CTTNBP2NL: variants seen among roughly 807,000 people sequenced by gnomAD.
CTTNBP2NL encodes CTTNBP2 N-terminal like.
In CTTNBP2NL, 16 loss-of-function variants were observed where a neutral mutation model predicts 32.5. The observed-to-expected ratio is 0.49, with a 90% CI of 0.33 to 0.75. The LOEUF (loss-of-function observed/expected upper bound fraction) is 0.75, where lower values mean the gene tolerates loss of function less well. Among genes scored for constraint, CTTNBP2NL ranks in the 30% least tolerant of loss-of-function variants. CTTNBP2NL has a pLI of 0.02. For synonymous variants in CTTNBP2NL, 298 were observed against 289.4 expected, an observed-to-expected ratio of 1.03 and a Z score of -0.30; for missense variants, 645 against 756.0, an observed-to-expected ratio of 0.85 and a Z score of 1.72.
At position 112,461,052 on chromosome 1, in the gene CTTNBP2NL, A is replaced by T. The variant is rs1287287892; in HGVS notation, c.*3640A>T. ...TGGGCAATGAGCATTGTTCCACAGG[A>T]ATAATTTTTAATTTAATTTCTATAA... On this transcript the variant is annotated 3_prime_UTR_variant, in exon 6 of 6. Coordinates refer to ENST00000271277, the MANE Select transcript of CTTNBP2NL (RefSeq NM_018704.3). 6.6e-6 allele frequency: 1 copy of T among 152,210 alleles called. No individual in the cohort carries two copies. Among genetic ancestry groups the T allele is most frequent in the African/African-American group, 2.4e-5 (1 of 41,454 alleles). 9.4% of individuals were successfully genotyped at this position (152,210 alleles called of 1,614,324 possible). A position where few individuals can be genotyped will look rare whatever the true frequency, so the allele number is the denominator to read the frequency against.
chr1:112,439,310 CT>C (rs1200613228), intron 3 of CTTNBP2NL, among the ~76,000 whole-genome samples: 1 of 152,142 alleles, frequency 6.6e-6, no homozygotes, highest in Non-Finnish European at 1.5e-5. Flanking sequence ...TACTTGATAA[CT>C]TCTAAATATG....
Position 112,456,285 on chromosome 1 carries a change from G to GC in CTTNBP2NL, c.793_794insC (p.Glu265AlafsTer21). 1 of 1,614,088 alleles carries GC rather than the reference G, an allele frequency of 6.2e-7. No individual in the cohort carries two copies. The highest frequency in any genetic ancestry group is 8.5e-7 in the Non-Finnish European group (1 of 1,180,032). On this transcript the variant is annotated frameshift_variant, in exon 6 of 6. Transcript: ENST00000271277. LOFTEE classifies it low-confidence loss of function (END_TRUNC). ...AGAGAACCGGACCAAAACCCTGAAAGAAGAAATGGAAAGTTTAAAGAAGAT... is the reference window on the plus strand; with the variant it reads ...AGAGAACCGGACCAAAACCCTGAAAGCAAGAAATGGAAAGTTTAAAGAAGAT...
At chr1:112,446,484 C>T (rs1388891222) in intron 3 of CTTNBP2NL, among the ~76,000 whole-genome samples, 4 of 152,162 alleles carry the variant, frequency 2.6e-5, no homozygotes, top group African/African-American at 9.7e-5. Context: ...ATTGATGAGT[C>T]CCATGTTGTT....
upstream of CTTNBP2NL, among the ~76,000 whole-genome samples, chr1:112,395,972 C>A (rs1482765724): frequency 2.0e-5 from 3 of 152,242 alleles, no homozygotes; most frequent in African/African-American, 7.2e-5. Context: ...GGGAGGGGCG[C>A]GAGCCCACCC....
intron 1 of CTTNBP2NL, among the ~76,000 whole-genome samples, chr1:112,407,809 A>C (rs1470450525): frequency 6.6e-6 from 1 of 150,930 alleles, no homozygotes; most frequent in African/African-American, 2.4e-5. Context: ...ACTTTTGTAA[A>C]TAGTAACAAA....
chr1:112,391,210 T>G, the CTTNBP2NL span, among the ~76,000 whole-genome samples: 1 of 152,358 alleles, frequency 6.6e-6, no homozygotes, highest in East Asian at 1.9e-4. Context: ...GGCTTCAGCC[T>G]GGTCCGGGGC....
At chr1:112,410,316 C>T (rs927167090) in intron 1 of CTTNBP2NL, among the ~76,000 whole-genome samples, 5 of 151,284 alleles carry the variant, frequency 3.3e-5, no homozygotes, top group Non-Finnish European at 5.9e-5. Context: ...AGCTTGAACC[C>T]GGGAGGCGAA....
chr1:112,453,733 G>A (rs935845037), intron 4 of CTTNBP2NL, among the ~76,000 whole-genome samples: 5 of 152,134 alleles, frequency 3.3e-5, no homozygotes, highest in Admixed American at 1.3e-4. Flanking sequence ...CAGCCTGGGT[G>A]ACAAAGCAAG....
In CTTNBP2NL at chr1:112,457,417, T is replaced by C. The variant is rs1443121725; in HGVS notation, c.*5T>C. 6.3e-7 allele frequency: 1 copy of C among 1,594,852 alleles called. No individual in the cohort carries two copies. Among genetic ancestry groups the C allele is most frequent in the Non-Finnish European group, 8.6e-7 (1 of 1,169,474 alleles). ...CTTTTGCCTACCAGCAGCTAGTCCC[T>C]AGGAGGGAGTCTCCACGTTTGACAT... On this transcript the variant is annotated 3_prime_UTR_variant, in exon 6 of 6. Coordinates refer to ENST00000271277, the MANE Select transcript of CTTNBP2NL (RefSeq NM_018704.3).
At chr1:112,440,804 A>T (rs1482343058) in intron 3 of CTTNBP2NL, among the ~76,000 whole-genome samples, 1 of 152,226 alleles carries the variant, frequency 6.6e-6, no homozygotes, top group East Asian at 1.9e-4. Flanking sequence ...TAAAATGAAG[A>T]TAATAGTGAT....
At chr1:112,439,398 T>C (rs1649830802) in intron 3 of CTTNBP2NL, among the ~76,000 whole-genome samples, 1 of 152,208 alleles carries the variant, frequency 6.6e-6, no homozygotes, top group Non-Finnish European at 1.5e-5. Flanking sequence ...TCTTGGCATG[T>C]TTCTGTGTAA....
At chr1:112,403,698 G>A (rs1314670781) in intron 1 of CTTNBP2NL, among the ~76,000 whole-genome samples, 5 of 152,196 alleles carry the variant, frequency 3.3e-5, no homozygotes, top group Admixed American at 2.0e-4. Context: ...AAAGGTATGC[G>A]TTTACCTGTA....
At chr1:112,392,105 C>G (rs1244223984), upstream of CTTNBP2NL, among the ~76,000 whole-genome samples, 1 of 152,202 alleles carries the variant, frequency 6.6e-6, no homozygotes, top group Non-Finnish European at 1.5e-5. Flanking sequence ...ATATTTGTTG[C>G]ATTCCCCATC....
chr1:112,443,223 A>C (rs1313356785), intron 3 of CTTNBP2NL, among the ~76,000 whole-genome samples: 2 of 151,870 alleles, frequency 1.3e-5, no homozygotes, highest in African/African-American at 4.8e-5. Context: ...AGTTAGTTAA[A>C]ATATTTTTGA....
chr1:112,415,012 A>AC, intron 2 of CTTNBP2NL: 1 of 151,948 alleles, frequency 6.6e-6, no homozygotes, highest in South Asian at 2.1e-4. Flanking sequence ...ACACAGGGAG[A>AC]CCCCATTTCT....
rs1553227549 is a variant in CTTNBP2NL at position 112,455,917 on chromosome 1, C to CG, written c.439-14_439-13insG. 12 of 1,549,170 alleles carry CG rather than the reference C, an allele frequency of 7.7e-6. No individual in the cohort carries two copies. The highest frequency in any genetic ancestry group is 2.0e-5 in the Admixed American group (1 of 49,938). Reference sequence around the variant, plus strand: ...CAGTTTGTCAGTATGTCTCTCTTTTCTTTTTTTTTCTAGTTGGAATTTGAA... The same window carrying CG: ...CAGTTTGTCAGTATGTCTCTCTTTTCGTTTTTTTTTCTAGTTGGAATTTGAA... On this transcript the variant is annotated splice_polypyrimidine_tract_variant and intron_variant, in intron 5 of 5. Transcript: ENST00000271277.
rs1033161986 is a variant in CTTNBP2NL, at chr1:112,460,366, C to T, written c.*2954C>T. On this transcript the variant is annotated 3_prime_UTR_variant, in exon 6 of 6. Transcript: ENST00000271277. ...GACAAAACAAATGAAGTCAATGACC[C>T]ATCCAGGTTAGACTCCATAAGGAAC... 2.6e-5 allele frequency: 4 copies of T among 152,088 alleles called. No homozygotes were observed. Among genetic ancestry groups the T allele is most frequent in the African/African-American group, 9.7e-5 (4 of 41,414 alleles). The allele number at this position is 152,088 out of a possible 1,614,324, so 9.4% of individuals were successfully genotyped here.
intron 4 of CTTNBP2NL, among the ~76,000 whole-genome samples, chr1:112,451,072 T>C (rs931797531): frequency 1.3e-5 from 2 of 152,100 alleles, no homozygotes. Flanking sequence ...AACAGTTTTC[T>C]ATTCCACCTC....
At chr1:112,430,348 C>G (rs1366702450) in intron 3 of CTTNBP2NL, among the ~76,000 whole-genome samples, 2 of 151,946 alleles carry the variant, frequency 1.3e-5, no homozygotes, top group Non-Finnish European at 2.9e-5. Context: ...ACCTCAGCCT[C>G]TTAAGTAGCT....
Sources: gnomAD v4.1 joint callset for allele counts (sites outside exome capture counted in the v4.1 genomes callset) on GRCh38, gnomAD v4.1.1 for gene constraint, MANE v1.5 for transcripts, NCBI Gene and HGNC (gene_info 2026-07-23, HGNC 2026-07-21) for gene names.